The following MS4A15 variants were observed in gnomAD, a reference collection of about 807,000 sequenced individuals.
The protein encoded by MS4A15 is membrane-spanning 4-domains subfamily A member 15.
MS4A15 carries 22 observed loss-of-function variants against 20.6 expected under a neutral mutation model. That is an observed-to-expected ratio of 1.07 (90% confidence interval 0.76 to 1.52). MS4A15 has a LOEUF of 1.52. Ranked by LOEUF, MS4A15 falls within the 40% of genes most tolerant of loss-of-function variation. The pLI is 0.00. For missense variants in MS4A15, 312 were observed against 323.0 expected (o/e 0.97, Z 0.26); for synonymous variants, 129 against 129.3 (o/e 1.00, Z 0.02).
intron 2 of MS4A15, among the ~76,000 whole-genome samples, chr11:60,764,860 G>A (rs1021294583): frequency 3.3e-5 from 5 of 151,978 alleles, no homozygotes; most frequent in African/African-American, 1.2e-4. Flanking sequence ...AGTGAGCTGC[G>A]ATCATGCCAC....
Position 60,767,651 on chromosome 11 carries a change from C to T in MS4A15, c.344C>T (p.Ala115Val). The change falls in exon 3 of 7, where the codon GCC becomes GTC. Residue 115 changes from alanine to valine, a missense_variant. Ala to Val is a moderately conservative substitution (Grantham distance 64, BLOSUM62 0). Transcript: ENST00000405633. Reference protein sequence around the residue: ...IEGGVPFWGGACFIISGSLSV... With the variant: ...IEGGVPFWGGVCFIISGSLSV... ...GGCGGCGTCCCCTTCTGGGGAGGAGCCTGCGTGAGTGCCGGGGCCATGGAG... is the reference window on the plus strand; with the variant it reads ...GGCGGCGTCCCCTTCTGGGGAGGAGTCTGCGTGAGTGCCGGGGCCATGGAG... The T allele has an allele frequency of 6.5e-7, 1 of 1,550,168 alleles. No individual in the cohort carries two copies. Among genetic ancestry groups the T allele is most frequent in the South Asian group, 1.2e-5 (1 of 83,368 alleles).
intron 1 of MS4A15, among the ~76,000 whole-genome samples, chr11:60,760,909 C>A (rs1262910370): frequency 6.6e-6 from 1 of 152,208 alleles, no homozygotes; most frequent in Non-Finnish European, 1.5e-5. Flanking sequence ...GGCTTGCAGG[C>A]ATAGAAGCCT....
At chr11:60,767,043 C>A (rs1853901011) in intron 2 of MS4A15, among the ~76,000 whole-genome samples, 1 of 152,222 alleles carries the variant, frequency 6.6e-6, no homozygotes, top group South Asian at 2.1e-4. Flanking sequence ...TAAACCAACT[C>A]TTAGAAAGAG....
At position 60,767,544 on chromosome 11, in the gene MS4A15, C is replaced by T. The variant is rs765231115; in HGVS notation, c.237C>T (p.Ile79=). 2.6e-6 allele frequency: 4 copies of T among 1,545,302 alleles called. No individual in the cohort carries two copies. The highest frequency in any genetic ancestry group is 2.5e-5 in the East Asian group (1 of 40,600). ...GGGGCTTCCCGCAGACGGTGCAGAT[C>T]CTCATCGGCCTCATCCACCTAGGCT... is the stretch of plus-strand genomic sequence containing the variant. ...GEPKVLGTVQ[I]LIGLIHLGFG... The change falls in exon 3 of 7, where the codon ATC becomes ATT. Residue 79 remains isoleucine (I), a synonymous_variant. Coordinates refer to ENST00000405633, the MANE Select transcript of MS4A15 (RefSeq NM_001098835.2).
intron 1 of MS4A15, among the ~76,000 whole-genome samples, chr11:60,758,258 T>TAA (rs34129865): frequency 6.8e-6 from 1 of 147,442 alleles, no homozygotes; most frequent in African/African-American, 2.5e-5. Flanking sequence ...AATACAAACA[T>TAA]AAAAAAAAAA....
intron 3 of MS4A15, among the ~76,000 whole-genome samples, chr11:60,769,529 T>C (rs181322467): frequency 1.7e-3 from 258 of 152,260 alleles, no homozygotes; most frequent in African/African-American, 6.0e-3. Context: ...TAAGACATCA[T>C]GCCTGTCTCC....
At chr11:60,761,552 T>C (rs1318696969) in intron 1 of MS4A15, among the ~76,000 whole-genome samples, 2 of 152,204 alleles carry the variant, frequency 1.3e-5, no homozygotes, top group African/African-American at 4.8e-5. Flanking sequence ...GGTTATCTTA[T>C]GTCTGCAAAT....
At chr11:60,772,362 CCCAGG>C (rs1242391556) in intron 4 of MS4A15, among the ~76,000 whole-genome samples, 242 of 152,234 alleles carry the variant, frequency 1.6e-3, no homozygotes, top group African/African-American at 5.7e-3. Flanking sequence ...TGAGAGGTAT[CCCAGG>C]TGCTGGGCAG....
At chr11:60,775,569 C>T (rs1310365595) in intron 6 of MS4A15, 36 bp from the exon 7 acceptor site, 1 of 1,559,002 alleles carries the variant, frequency 6.4e-7, no homozygotes, top group South Asian at 1.1e-5. Flanking sequence ...GAAGCTCCAG[C>T]GTCCTCCAGG....
At chr11:60,759,317 G>A (rs1853671366) in intron 1 of MS4A15, among the ~76,000 whole-genome samples, 1 of 152,242 alleles carries the variant, frequency 6.6e-6, no homozygotes, top group South Asian at 2.1e-4. Flanking sequence ...GATGTGCCTT[G>A]TTAACTATAT....
intron 6 of MS4A15, among the ~76,000 whole-genome samples, chr11:60,774,838 G>A (rs1854144453): frequency 6.6e-6 from 1 of 152,206 alleles, no homozygotes; most frequent in Admixed American, 6.5e-5. Flanking sequence ...AGGGTGAGGG[G>A]ATTGAAGGTC....
intron 3 of MS4A15, among the ~76,000 whole-genome samples, chr11:60,769,571 C>G (rs1853979659): frequency 6.6e-6 from 1 of 152,140 alleles, no homozygotes; most frequent in African/African-American, 2.4e-5. Context: ...AACCCAGCTG[C>G]CCTCTTGACA....
At position 60,773,868 on chromosome 11, in the gene MS4A15, C is replaced by T; in HGVS notation, c.530C>T (p.Thr177Ile). 6.2e-7 allele frequency: 1 copy of T among 1,614,210 alleles called. No individual in the cohort carries two copies. Among genetic ancestry groups the T allele is most frequent in the Non-Finnish European group, 8.5e-7 (1 of 1,180,038 alleles). The change falls in exon 6 of 7, where the codon ACT becomes ATT. Residue 177 changes from threonine to isoleucine, a missense_variant. Coordinates refer to ENST00000405633, the MANE Select transcript of MS4A15 (RefSeq NM_001098835.2). ...GACAGGGGCTATCTGGCCGTGCTTA[C>T]TATCTTCACTGTCCTGGAGTTCTTC... ...DVDRGYLAVL[T>I]IFTVLEFFTA...
intron 3 of MS4A15, 62 bp downstream of exon 3, chr11:60,767,717 C>T: frequency 2.1e-6 from 3 of 1,459,000 alleles, no homozygotes; most frequent in Non-Finnish European, 2.7e-6. Flanking sequence ...ACCTCTCCCC[C>T]ACGCGCCCAC....
chr11:60,769,181 A>G (rs756469030), intron 3 of MS4A15, among the ~76,000 whole-genome samples: 2 of 152,284 alleles, frequency 1.3e-5, no homozygotes, highest in South Asian at 4.1e-4. Flanking sequence ...CAAAAGCAAA[A>G]ACTTGATTTT....
intron 2 of MS4A15, among the ~76,000 whole-genome samples, chr11:60,766,268 T>A (rs1388372917): frequency 6.6e-6 from 1 of 152,048 alleles, no homozygotes. Context: ...GTAATCCCCA[T>A]TACTCAGGAG....
chr11:60,764,377 A>C (rs1371284418), intron 2 of MS4A15, among the ~76,000 whole-genome samples: 1 of 151,972 alleles, frequency 6.6e-6, no homozygotes, highest in Non-Finnish European at 1.5e-5. Context: ...TGTTAAAGGA[A>C]GAGGTGGAAG....
chr11:60,764,744 A>G (rs958084841), intron 2 of MS4A15, among the ~76,000 whole-genome samples: 6 of 152,114 alleles, frequency 3.9e-5, no homozygotes, highest in African/African-American at 1.2e-4. Flanking sequence ...CCCCGTCTCT[A>G]CTAGAAATAC....
chr11:60,767,574 C>T lies in MS4A15; in HGVS notation c.267C>T (p.Gly89=). 1 of 1,554,086 alleles carries T rather than the reference C, an allele frequency of 6.4e-7. No homozygotes were observed. The highest frequency in any genetic ancestry group is 8.7e-7 in the Non-Finnish European group (1 of 1,148,130). The change falls in exon 3 of 7, where the codon GGC becomes GGT. Residue 89 remains glycine (G), a synonymous_variant. Coordinates refer to ENST00000405633, the MANE Select transcript of MS4A15 (RefSeq NM_001098835.2). ...ILIGLIHLGF[G]SVLLMVRRGH... ...TCGGCCTCATCCACCTAGGCTTTGG[C>T]AGCGTGCTGCTCATGGTTCGCCGCG...
Sources: gnomAD v4.1 joint callset for allele counts (sites outside exome capture counted in the v4.1 genomes callset) on GRCh38, gnomAD v4.1.1 for gene constraint, MANE v1.5 for transcripts, NCBI Gene and HGNC (gene_info 2026-07-23, HGNC 2026-07-21) for gene names.